The following NR6A1 variants were observed in gnomAD, a reference collection of about 807,000 sequenced individuals.
NR6A1 encodes retinoic acid receptor-related testis-associated receptor.
In NR6A1, 7 loss-of-function variants were observed where a neutral mutation model predicts 59.1. The observed-to-expected ratio is 0.12, with a 90% confidence interval of 0.07 to 0.22. The LOEUF is 0.22. NR6A1 is among the 10% of genes least tolerant of loss of function. NR6A1 has a pLI of 1.00. For missense variants in NR6A1, 468 were observed against 611.6 expected (o/e 0.77, Z 2.48); for synonymous variants, 243 against 236.1 (o/e 1.03, Z -0.27).
At chr9:124,630,503 T>A (rs184796934) in intron 2 of NR6A1, among the ~76,000 whole-genome samples, 226 of 151,508 alleles carry the variant, frequency 1.5e-3, no homozygotes, top group Admixed American at 3.2e-3. Context: ...TCCAAAGTGC[T>A]GGGATTACAG....
intron 2 of NR6A1, among the ~76,000 whole-genome samples, chr9:124,635,773 G>A (rs1369020814): frequency 2.6e-5 from 4 of 152,144 alleles, no homozygotes; most frequent in African/African-American, 9.7e-5. Context: ...CCTACTGAAG[G>A]ATATCTTGGT....
chr9:124,602,194 C>A (rs999445223), intron 2 of NR6A1, among the ~76,000 whole-genome samples: 1 of 152,120 alleles, frequency 6.6e-6, no homozygotes, highest in Middle Eastern at 3.2e-3. Context: ...TTTAAAGTAT[C>A]CCAATCAAGA....
At chr9:124,642,222 G>A (rs971933803) in intron 2 of NR6A1, among the ~76,000 whole-genome samples, 1 of 151,772 alleles carries the variant, frequency 6.6e-6, no homozygotes. Flanking sequence ...GCTAATTTTT[G>A]TATTTTTAGT....
At chr9:124,701,550 T>A (rs1356562096) in intron 2 of NR6A1, among the ~76,000 whole-genome samples, 1 of 152,218 alleles carries the variant, frequency 6.6e-6, no homozygotes, top group Admixed American at 6.5e-5. Context: ...CAATAACTAC[T>A]TATCCTCCAT....
rs575361335 is a variant in NR6A1 at position 124,748,894 on chromosome 9, C to T, written c.101-15545G>A. On this transcript the variant is annotated intron_variant, in intron 1 of 9. Transcript: ENST00000487099. ...AAAAAAAAAAAAGAACTTAACAGGG[C>T]TGTTGTAAGTATTAAATGAAATAAA... Among the ~76,000 whole-genome samples the T allele has an allele frequency of 2.5e-4, 38 of 150,658 alleles. No homozygotes were observed. In the South Asian group the frequency reaches 7.8e-3, roughly 31 times the overall value.
At chr9:124,738,763 G>A (rs943136523) in intron 1 of NR6A1, among the ~76,000 whole-genome samples, 14 of 152,060 alleles carry the variant, frequency 9.2e-5, no homozygotes, top group African/African-American at 2.9e-4. Context: ...CCAGCACTTT[G>A]GGAGGCCAAG....
chr9:124,759,115 C>T (rs1456783633), intron 1 of NR6A1, among the ~76,000 whole-genome samples: 4 of 152,224 alleles, frequency 2.6e-5, no homozygotes, highest in Non-Finnish European at 4.4e-5. Context: ...TTAACCCACA[C>T]TGCCTATCCT....
At chr9:124,704,038 T>G (rs1839047379) in intron 2 of NR6A1, among the ~76,000 whole-genome samples, 1 of 152,222 alleles carries the variant, frequency 6.6e-6, no homozygotes, top group South Asian at 2.1e-4. Context: ...AGGAAGATTT[T>G]TAATTACTAA....
intron 2 of NR6A1, among the ~76,000 whole-genome samples, chr9:124,572,101 T>C (rs921835016): frequency 2.0e-5 from 3 of 152,176 alleles, no homozygotes; most frequent in Admixed American, 6.5e-5. Context: ...GTCAACAGTA[T>C]GGAGAAACTG....
At chr9:124,621,653 C>CA (rs1040211187) in intron 2 of NR6A1, among the ~76,000 whole-genome samples, 14 of 138,526 alleles carry the variant, frequency 1.0e-4, no homozygotes, top group Admixed American at 2.2e-4. Context: ...GACCTTGTCT[C>CA]AAAAAAAAAG....
rs570219346 is a variant in NR6A1 at position 124,631,917 on chromosome 9, T to C, written c.143-77347A>G. On this transcript the variant is annotated intron_variant, in intron 2 of 9. Coordinates refer to ENST00000487099, the MANE Select transcript of NR6A1 (RefSeq NM_033334.4). ...CCTACTTATAAGTGAGAACATGCGG[T>C]ATTTGGCTTTCTGTTCCTGCACTAG... is the stretch of plus-strand genomic sequence containing the variant. Among the ~76,000 whole-genome samples, 25 of 152,318 alleles carry C rather than the reference T, an allele frequency of 1.6e-4. 1 individual carries two copies. The South Asian group carries it at 3.3e-3, about 20-fold the overall frequency.
chr9:124,732,421 GCCA>G (rs1235362708), intron 2 of NR6A1, among the ~76,000 whole-genome samples: 5 of 152,128 alleles, frequency 3.3e-5, no homozygotes, highest in African/African-American at 4.8e-5. Context: ...AATGGTGCAC[GCCA>G]CCACATTTAG....
chr9:124,675,285 A>G (rs1837920129), intron 2 of NR6A1, among the ~76,000 whole-genome samples: 1 of 152,236 alleles, frequency 6.6e-6, no homozygotes, highest in Non-Finnish European at 1.5e-5. Flanking sequence ...GCAACAAATA[A>G]AATCAGTGAA....
intron 2 of NR6A1, among the ~76,000 whole-genome samples, chr9:124,708,762 ATC>A (rs1158968237): frequency 6.6e-6 from 1 of 152,214 alleles, no homozygotes; most frequent in African/African-American, 2.4e-5. Context: ...AAAGTACACA[ATC>A]TCAGACTTTA....
intron 2 of NR6A1, among the ~76,000 whole-genome samples, chr9:124,623,038 A>C (rs928608433): frequency 2.6e-5 from 4 of 152,214 alleles, no homozygotes; most frequent in Non-Finnish European, 4.4e-5. Context: ...AAAATCCAGA[A>C]GTATATTTCC....
At chr9:124,549,857 T>C (rs1833717296) in intron 3 of NR6A1, among the ~76,000 whole-genome samples, 1 of 152,200 alleles carries the variant, frequency 6.6e-6, no homozygotes, top group South Asian at 2.1e-4. Flanking sequence ...ACATACTTTA[T>C]TTTGATTTCT....
chr9:124,753,478 CAT>C (rs1840560039), intron 1 of NR6A1, among the ~76,000 whole-genome samples: 3 of 152,086 alleles, frequency 2.0e-5, no homozygotes, highest in South Asian at 2.1e-4. Context: ...TGACAAAAAT[CAT>C]GTGGTGATAC....
rs923993760 is a variant in NR6A1, at chr9:124,682,010, T to A, written c.142+51298A>T. 3.3e-5 allele frequency among the ~76,000 whole-genome samples: 5 copies of A among 152,192 alleles called. No homozygotes were observed. The South Asian group carries it at 6.2e-4, about 19-fold the overall frequency. ...GTTTTGTTTTGTTTTTTGTTTTGTT[T>A]TGAGAGGGAGTTTTGCTCTTGTTGC... is the stretch of plus-strand genomic sequence containing the variant. On this transcript the variant is annotated intron_variant, in intron 2 of 9. Transcript: ENST00000487099.
intron 2 of NR6A1, among the ~76,000 whole-genome samples, chr9:124,592,196 A>C (rs933721138): frequency 4.6e-5 from 7 of 152,134 alleles, no homozygotes; most frequent in Non-Finnish European, 7.4e-5. Flanking sequence ...ATGGGCCAAA[A>C]TCCCAACCTC....
Sources: allele counts gnomAD v4.1 joint callset (sites outside exome capture counted in the v4.1 genomes callset), GRCh38; gene constraint gnomAD v4.1.1; transcripts MANE v1.5; gene names NCBI Gene and HGNC (gene_info 2026-07-23, HGNC 2026-07-21).